The following KIF26B variants were observed in gnomAD, a reference collection of about 807,000 sequenced individuals.
The protein encoded by KIF26B is kinesin-like protein KIF26B.
In KIF26B, 63 loss-of-function variants were observed where a neutral mutation model predicts 151.2. The ratio of observed to expected loss-of-function variants is 0.42; its 90% CI spans 0.34 to 0.51. The LOEUF is 0.51. Among genes scored for constraint, KIF26B ranks in the 20% least tolerant of loss-of-function variants. The pLI is 0.07. For missense variants in KIF26B, 2,813 were observed against 2,913.6 expected, an observed-to-expected ratio of 0.97 and a Z score of 0.79; for synonymous variants, 1,357 against 1,262.1, an observed-to-expected ratio of 1.08 and a Z score of -1.59.
intron 2 of KIF26B, among the ~76,000 whole-genome samples, chr1:245,196,849 C>T (rs1384892267): frequency 3.3e-5 from 5 of 152,158 alleles, no homozygotes; most frequent in African/African-American, 1.2e-4. Flanking sequence ...GACCACGGTC[C>T]TATTACCCCT....
rs1053377789 is a variant in KIF26B at position 245,572,685 on chromosome 1, T to G, written c.1351-29892T>G. ...CATCCCGATGATACTATTCCTTACT[T>G]CTCACATTCATCCCATTCTAATGCC... On this transcript the variant is annotated intron_variant, in intron 5 of 14. Coordinates refer to ENST00000407071, the MANE Select transcript of KIF26B (RefSeq NM_018012.4). The surrounding 1 kb of genome is among the most constrained non-coding windows in gnomAD (Gnocchi z 4.2). Among the ~76,000 whole-genome samples the G allele has an allele frequency of 6.6e-6, 1 of 152,234 alleles. No homozygotes were observed. Among genetic ancestry groups the G allele is most frequent in the African/African-American group, 2.4e-5 (1 of 41,458 alleles).
chr1:245,658,675 A>T (rs2044101048), intron 10 of KIF26B, among the ~76,000 whole-genome samples: 1 of 152,080 alleles, frequency 6.6e-6, no homozygotes, highest in Admixed American at 6.5e-5. Context: ...TACAGGTGGG[A>T]GCCACTGTAC....
chr1:245,342,558 T>C (rs969432370), intron 2 of KIF26B, among the ~76,000 whole-genome samples: 11 of 152,116 alleles, frequency 7.2e-5, no homozygotes, highest in Non-Finnish European at 1.6e-4. Flanking sequence ...GGTTTTTGTT[T>C]TTGTTTTTGT....
intron 3 of KIF26B, among the ~76,000 whole-genome samples, chr1:245,419,118 C>T (rs988552509): frequency 2.6e-5 from 4 of 152,156 alleles, no homozygotes; most frequent in Admixed American, 6.5e-5. Context: ...CACCAAATAC[C>T]GTTGTATTTT....
chr1:245,684,478 T>A, intron 11 of KIF26B, 83 bp downstream of exon 11: 1 of 1,374,364 alleles, frequency 7.3e-7, no homozygotes, highest in South Asian at 1.5e-5. Flanking sequence ...AAAAGCCAAA[T>A]CAACGTTGCC....
At chr1:245,213,875 T>G (rs772419164) in intron 2 of KIF26B, among the ~76,000 whole-genome samples, 13 of 152,204 alleles carry the variant, frequency 8.5e-5, no homozygotes, top group Non-Finnish European at 1.9e-4. Flanking sequence ...TCGTTGTACC[T>G]GGAACGTACA....
At chr1:245,226,519 A>G (rs956750348) in intron 2 of KIF26B, among the ~76,000 whole-genome samples, 1 of 151,734 alleles carries the variant, frequency 6.6e-6, no homozygotes. Context: ...CTAGAGTGCA[A>G]TGGCGCGATC....
rs537112990 is a variant in KIF26B, at chr1:245,166,541, C to T, written c.465+9858C>T. On this transcript the variant is annotated intron_variant, in intron 2 of 14. Coordinates refer to ENST00000407071, the MANE Select transcript of KIF26B (RefSeq NM_018012.4). The surrounding 1 kb of genome is among the most constrained non-coding windows in gnomAD (Gnocchi z 4.5). ...CAGATGGAAATCCCTTCTTTAAGCCCGGCCCCTCTCGTAGCCCCTCCAGGG... is the reference window on the plus strand; with the variant it reads ...CAGATGGAAATCCCTTCTTTAAGCCTGGCCCCTCTCGTAGCCCCTCCAGGG... Among the ~76,000 whole-genome samples the T allele has an allele frequency of 2.0e-5, 3 of 152,238 alleles. No individual in the cohort carries two copies. Among genetic ancestry groups the T allele is most frequent in the East Asian group, 1.9e-4 (1 of 5,178 alleles).
chr1:245,672,027 CATG>C (rs1215620192), intron 10 of KIF26B, among the ~76,000 whole-genome samples: 1 of 152,196 alleles, frequency 6.6e-6, no homozygotes, highest in Non-Finnish European at 1.5e-5. Flanking sequence ...GTCACCATCA[CATG>C]ATAAGGGGGA....
At chr1:245,173,735 T>C (rs893095909) in intron 2 of KIF26B, among the ~76,000 whole-genome samples, 3 of 152,218 alleles carry the variant, frequency 2.0e-5, no homozygotes, top group African/African-American at 7.2e-5. Flanking sequence ...TGAATGGCTA[T>C]AGAGGGATGC....
chr1:245,514,154 C>A (rs1660899317), intron 4 of KIF26B, among the ~76,000 whole-genome samples: 1 of 152,164 alleles, frequency 6.6e-6, no homozygotes, highest in East Asian at 1.9e-4. Flanking sequence ...CTCAGTCTAG[C>A]TATTCCACAA....
intron 2 of KIF26B, among the ~76,000 whole-genome samples, chr1:245,320,015 T>C (rs6665963): frequency 0.018 from 2,784 of 152,358 alleles, 96 homozygotes; most frequent in African/African-American, 0.063. Flanking sequence ...TTTAGAATGT[T>C]GCCGTTAACA....
chr1:245,259,988 G>T (rs529538506), intron 2 of KIF26B, among the ~76,000 whole-genome samples: 1 of 150,596 alleles, frequency 6.6e-6, no homozygotes, highest in East Asian at 2.0e-4. Context: ...GTTTCTTGAA[G>T]TGTGGCACAA....
chr1:245,633,550 G>A (rs775150193), intron 9 of KIF26B, among the ~76,000 whole-genome samples: 21 of 151,588 alleles, frequency 1.4e-4, no homozygotes, highest in Admixed American at 4.6e-4. Flanking sequence ...TCAGTCTTGC[G>A]TATTCTCACG....
intron 4 of KIF26B, among the ~76,000 whole-genome samples, chr1:245,441,535 G>A (rs773520709): frequency 9.9e-5 from 15 of 151,856 alleles, no homozygotes; most frequent in Non-Finnish European, 2.1e-4. Flanking sequence ...TATTTCATCC[G>A]CCGGCTCCTG....
intron 4 of KIF26B, among the ~76,000 whole-genome samples, chr1:245,441,385 A>C (rs1659100548): frequency 6.6e-6 from 1 of 152,118 alleles, no homozygotes; most frequent in Non-Finnish European, 1.5e-5. Flanking sequence ...TAGAAAAACT[A>C]TTGACTTTTT....
chr1:245,690,924 G>A (rs746656094), intron 12 of KIF26B, among the ~76,000 whole-genome samples: 10 of 152,218 alleles, frequency 6.6e-5, no homozygotes, highest in Non-Finnish European at 1.0e-4. Context: ...ACGTATTGAT[G>A]AGAGTAAAAA....
intron 5 of KIF26B, among the ~76,000 whole-genome samples, chr1:245,588,980 T>C (rs1335407486): frequency 2.0e-5 from 3 of 152,246 alleles, no homozygotes; most frequent in Non-Finnish European, 4.4e-5. Flanking sequence ...TCTCTGTTCC[T>C]CCTTCTGACT....
At position 245,560,045 on chromosome 1, in the gene KIF26B, C is replaced by T. The variant is rs188492164; in HGVS notation, c.1350+19095C>T. 2.6e-5 allele frequency among the ~76,000 whole-genome samples: 4 copies of T among 152,264 alleles called. No homozygotes were observed. The highest frequency in any genetic ancestry group is 4.8e-5 in the African/African-American group (2 of 41,552). The stretch of plus-strand genomic sequence containing the variant: ...CATTCGTTTTTTTGGCGTGGAAACA[C>T]GCTGCTCAGTCCTCAGGCCCAGCTC... On this transcript the variant is annotated intron_variant, in intron 5 of 14. Coordinates refer to ENST00000407071, the MANE Select transcript of KIF26B (RefSeq NM_018012.4). This position sits in a 1 kb window ranked among gnomAD's most constrained non-coding sequence, Gnocchi z 4.3.
Sources: gnomAD v4.1 joint callset for allele counts (sites outside exome capture counted in the v4.1 genomes callset) on GRCh38, gnomAD v4.1.1 for gene constraint, Gnocchi (gnomAD v3.1) non-coding constraint, MANE v1.5 for transcripts, NCBI Gene and HGNC (gene_info 2026-07-23, HGNC 2026-07-21) for gene names.